The following PLEKHA5 variants were observed in gnomAD, a reference collection of about 807,000 sequenced individuals.
PLEKHA5 encodes pleckstrin homology domain containing A5.
In PLEKHA5, 55 loss-of-function variants were observed where a neutral mutation model predicts 181.9. That is an observed-to-expected ratio of 0.30 (90% CI 0.24 to 0.38). The LOEUF is 0.38. PLEKHA5 is among the 10% of genes least tolerant of loss of function. The pLI, the probability that PLEKHA5 is intolerant of heterozygous loss-of-function variation, is 1.00. For missense variants in PLEKHA5, 1,432 were observed against 1,549.5 expected (o/e 0.92, Z 1.27); for synonymous variants, 535 against 529.4 (o/e 1.01, Z -0.15).
chr12:19,216,016 T>G (rs1366788085), intron 3 of PLEKHA5, among the ~76,000 whole-genome samples: 1 of 152,210 alleles, frequency 6.6e-6, no homozygotes, highest in Non-Finnish European at 1.5e-5. Flanking sequence ...AAATACCGAC[T>G]TGCTAAACAT....
Position 19,276,298 on chromosome 12 carries a change from G to C in PLEKHA5, c.1313+1315G>C, listed in dbSNP as rs555123242. Among the ~76,000 whole-genome samples, 75 of 152,292 alleles carry C rather than the reference G, an allele frequency of 4.9e-4. 4 individuals are homozygous for C. The highest frequency in any genetic ancestry group is 2.6e-4 in the Non-Finnish European group (18 of 68,018). ...TGGAGAAAGTTCAAAAGTTACTTAA[G>C]TGATTGAAGTGAGAAGAGGATGAGG... On this transcript the variant is annotated intron_variant, in intron 11 of 31. Coordinates refer to ENST00000429027, the MANE Select transcript of PLEKHA5 (RefSeq NM_001256470.2).
Position 19,130,242 on chromosome 12 carries a change from CG to C in PLEKHA5, c.169+116del. On this transcript the variant is annotated intron_variant, in intron 2 of 31. Transcript: ENST00000429027. This position sits in a 1 kb window ranked among gnomAD's most constrained non-coding sequence, Gnocchi z 4.5. ...CCGCGGGCCCCGGGAGGCGGCGAGG[CG>C]GGGCGGAGGCCGGGCGGGAGCGGCC... 1 of 520,634 alleles carries C rather than the reference CG, an allele frequency of 1.9e-6. No individual in the cohort carries two copies. Among genetic ancestry groups the C allele is most frequent in the Non-Finnish European group, 2.9e-6 (1 of 345,436 alleles). 32.3% of individuals were successfully genotyped at this position (520,634 alleles called of 1,614,324 possible). A position where few individuals can be genotyped will look rare whatever the true frequency, so the allele number is the denominator to read the frequency against.
intron 3 of PLEKHA5, among the ~76,000 whole-genome samples, chr12:19,214,461 A>G (rs1044074480): frequency 6.6e-5 from 10 of 152,324 alleles, no homozygotes; most frequent in Admixed American, 2.0e-4. Flanking sequence ...GAGAAATTCA[A>G]CAACATCAAA....
chr12:19,319,343 G>A (rs1454713125), intron 16 of PLEKHA5, among the ~76,000 whole-genome samples: 2 of 152,024 alleles, frequency 1.3e-5, no homozygotes, highest in African/African-American at 4.8e-5. Flanking sequence ...ATAAATCCAG[G>A]ATTTATTGTA....
At position 19,274,716 on chromosome 12, in the gene PLEKHA5, G is replaced by A. The variant is rs755639364; in HGVS notation, c.1046G>A (p.Ser349Asn). Residue 349 changes from serine to asparagine, a missense_variant, in exon 11 of 32, where the codon AGT (serine) becomes AAT (asparagine). Coordinates refer to ENST00000429027, the MANE Select transcript of PLEKHA5 (RefSeq NM_001256470.2). ...GATAGACCCTTAACAAAAATTAATA[G>A]TGTAAAGCTGAATTCTCTGCCATCT... is the stretch of plus-strand genomic sequence containing the variant. ...GQDRPLTKIN[S>N]VKLNSLPSEY... 1 of 1,614,120 alleles carries A rather than the reference G, an allele frequency of 6.2e-7. No individual in the cohort carries two copies. Among genetic ancestry groups the A allele is most frequent in the Non-Finnish European group, 8.5e-7 (1 of 1,179,942 alleles).
In PLEKHA5 at chr12:19,283,327, C is replaced by A. The variant is rs1281155855; in HGVS notation, c.1361C>A (p.Ala454Asp). Reference protein sequence around the residue: ...TLPRNMPSHRAQIMARYPEGY... With the variant: ...TLPRNMPSHRDQIMARYPEGY... ...CCAAGAAATATGCCAAGTCACAGAGCCCAGATTATGGCCCGCTACCCTGAA... is the reference window on the plus strand; with the variant it reads ...CCAAGAAATATGCCAAGTCACAGAGACCAGATTATGGCCCGCTACCCTGAA... The change falls in exon 12 of 32, where the codon GCC becomes GAC. Residue 454 changes from alanine to aspartate, a missense_variant. By Grantham distance (126) the Ala-to-Asp change is moderately radical. Transcript: ENST00000429027. 1 of 1,613,586 alleles carries A rather than the reference C, an allele frequency of 6.2e-7. No individual in the cohort carries two copies. Among genetic ancestry groups the A allele is most frequent in the South Asian group, 1.1e-5 (1 of 91,068 alleles).
intron 3 of PLEKHA5, among the ~76,000 whole-genome samples, chr12:19,163,179 CT>C (rs762716561): frequency 1.4e-3 from 192 of 141,592 alleles, no homozygotes; most frequent in Middle Eastern, 3.7e-3. Flanking sequence ...TTTGAATTCA[CT>C]TTTTTTTTTT....
At chr12:19,278,780 T>C (rs1008640030) in intron 11 of PLEKHA5, among the ~76,000 whole-genome samples, 1 of 152,104 alleles carries the variant, frequency 6.6e-6, no homozygotes, top group African/African-American at 2.4e-5. Flanking sequence ...ACTGGTTATA[T>C]AAGAGCAATT....
chr12:19,267,236 G>T (rs1260693023), intron 8 of PLEKHA5, among the ~76,000 whole-genome samples: 2 of 152,124 alleles, frequency 1.3e-5, no homozygotes, highest in Admixed American at 6.5e-5. Flanking sequence ...GAGAAAAGAG[G>T]GGGGAAGTGC....
intron 3 of PLEKHA5, among the ~76,000 whole-genome samples, chr12:19,158,988 C>G (rs1430242242): frequency 6.6e-6 from 1 of 152,150 alleles, no homozygotes; most frequent in African/African-American, 2.4e-5. Context: ...AAAAATTCAA[C>G]TGATGTTATG....
At position 19,130,298 on chromosome 12, in the gene PLEKHA5, G is replaced by T. The variant is rs1378855161; in HGVS notation, c.169+168G>T. ...GTAGAGGGGCCACGGGGACTCCGCC[G>T]CCGGGAGTTCTCTCCAGTCTCGGGG... On this transcript the variant is annotated intron_variant, in intron 2 of 31. Coordinates refer to ENST00000429027, the MANE Select transcript of PLEKHA5 (RefSeq NM_001256470.2). The surrounding 1 kb of genome is among the most constrained non-coding windows in gnomAD (Gnocchi z 4.5). Among the ~76,000 whole-genome samples the T allele has an allele frequency of 6.6e-6, 1 of 151,934 alleles. No homozygotes were observed. The highest frequency in any genetic ancestry group is 2.4e-5 in the African/African-American group (1 of 41,404).
chr12:19,198,297 C>T (rs1038668108), intron 3 of PLEKHA5, among the ~76,000 whole-genome samples: 2 of 152,198 alleles, frequency 1.3e-5, no homozygotes, highest in African/African-American at 2.4e-5. Flanking sequence ...TCTCACCCTA[C>T]CATACTCTAG....
At position 19,362,791 on chromosome 12, in the gene PLEKHA5, T is replaced by TA. The variant is rs1052175724; in HGVS notation, c.3608+1096dup. Among the ~76,000 whole-genome samples, 1,034 of 145,118 alleles carry TA rather than the reference T, an allele frequency of 7.1e-3. 6 individuals carry two copies. The highest frequency in any genetic ancestry group is 0.023 in the African/African-American group (926 of 39,522). On this transcript the variant is annotated intron_variant, in intron 29 of 31. Transcript: ENST00000429027. Reference sequence around the variant, plus strand: ...ATTTTAAAAAGAGAGATAAATACCTTAAAAAAAAAAAGTCAAAAGGCATAT... The same window carrying TA: ...ATTTTAAAAAGAGAGATAAATACCTTAAAAAAAAAAAAGTCAAAAGGCATAT...
intron 22 of PLEKHA5, among the ~76,000 whole-genome samples, chr12:19,344,962 AAG>A (rs1372767147): frequency 6.6e-6 from 1 of 151,292 alleles, no homozygotes; most frequent in Non-Finnish European, 1.5e-5. Flanking sequence ...AAAAAAAAAA[AAG>A]TACAAAAATT....
Position 19,241,809 on chromosome 12 carries a change from A to AT in PLEKHA5, c.228-12121dup, listed in dbSNP as rs201798546. Among the ~76,000 whole-genome samples the AT allele has an allele frequency of 7.3e-3, 1,106 of 150,808 alleles. 7 individuals are homozygous for AT. The highest frequency in any genetic ancestry group is 0.011 in the Non-Finnish European group (739 of 67,640). ...TAAATTGTAAAGATAAATACATACA[A>AT]TTTTTTTTTTAAAAAGAGTCTTAGA... On this transcript the variant is annotated intron_variant, in intron 3 of 31. Coordinates refer to ENST00000429027, the MANE Select transcript of PLEKHA5 (RefSeq NM_001256470.2).
chr12:19,271,901 G>A (rs1433870274), intron 10 of PLEKHA5, among the ~76,000 whole-genome samples: 1 of 152,134 alleles, frequency 6.6e-6, no homozygotes, highest in African/African-American at 2.4e-5. Context: ...TCTACTCCTA[G>A]TTGTTGGCAT....
At chr12:19,290,636 C>A in intron 13 of PLEKHA5, 41 bp from the exon 14 acceptor site, 1 of 1,485,398 alleles carries the variant, frequency 6.7e-7, no homozygotes, top group Non-Finnish European at 9.0e-7. Context: ...AACAATTAAT[C>A]TGTTTTCCAC....
intron 3 of PLEKHA5, among the ~76,000 whole-genome samples, chr12:19,223,901 A>G (rs756079179): frequency 6.6e-6 from 1 of 152,126 alleles, no homozygotes; most frequent in Non-Finnish European, 1.5e-5. Flanking sequence ...TTTCTTATTT[A>G]TGTAAAGACT....
chr12:19,245,859 A>G (rs917445957), intron 3 of PLEKHA5, among the ~76,000 whole-genome samples: 1 of 152,118 alleles, frequency 6.6e-6, no homozygotes, highest in African/African-American at 2.4e-5. Flanking sequence ...AACCCAATAA[A>G]GATGGCAGTG....
Sources: gnomAD v4.1 joint callset for allele counts (sites outside exome capture counted in the v4.1 genomes callset) on GRCh38, gnomAD v4.1.1 for gene constraint, Gnocchi (gnomAD v3.1) non-coding constraint, MANE v1.5 for transcripts, NCBI Gene and HGNC (gene_info 2026-07-23, HGNC 2026-07-21) for gene names.